Variants in MACROD2 observed in about 807,000 individuals in gnomAD.
The protein encoded by MACROD2 is ADP-ribose glycohydrolase MACROD2.
In MACROD2, 36 loss-of-function variants were observed where a neutral mutation model predicts 70.4. The ratio of observed to expected loss-of-function variants is 0.51; its 90% CI spans 0.39 to 0.68. The LOEUF (loss-of-function observed/expected upper bound fraction) is 0.68, where lower values mean the gene tolerates loss of function less well. Ranked by LOEUF, MACROD2 falls within the 30% of genes least tolerant of loss-of-function variation. The pLI, the probability that MACROD2 is intolerant of heterozygous loss-of-function variation, is 0.00. For synonymous variants in MACROD2, 172 were observed against 178.8 expected, an observed-to-expected ratio of 0.96 and a Z score of 0.30; for missense variants, 496 against 538.4, an observed-to-expected ratio of 0.92 and a Z score of 0.78.
chr20:14,340,943 G>T (rs2083006568), intron 3 of MACROD2, among the ~76,000 whole-genome samples: 1 of 152,152 alleles, frequency 6.6e-6, no homozygotes, highest in Non-Finnish European at 1.5e-5. Flanking sequence ...CCCAGGTTCT[G>T]CCATTTACTT....
chr20:15,327,790 C>T (rs749477579), intron 6 of MACROD2, among the ~76,000 whole-genome samples: 4 of 152,066 alleles, frequency 2.6e-5, no homozygotes, highest in Non-Finnish European at 4.4e-5. Context: ...CCATCACTAT[C>T]ATGTGATGGA....
intron 3 of MACROD2, among the ~76,000 whole-genome samples, chr20:14,488,992 G>A (rs2084764667): frequency 6.6e-6 from 1 of 152,164 alleles, no homozygotes; most frequent in Non-Finnish European, 1.5e-5. Context: ...CTATTTATTA[G>A]TAGTAGGGGT....
intron 8 of MACROD2, among the ~76,000 whole-genome samples, chr20:15,627,083 C>G (rs563353346): frequency 1.7e-4 from 26 of 152,020 alleles, no homozygotes; most frequent in African/African-American, 5.5e-4. Context: ...AATAGGATTT[C>G]AGTAGGTAGA....
intron 13 of MACROD2, among the ~76,000 whole-genome samples, chr20:15,977,180 G>A (rs187337134): frequency 6.6e-6 from 1 of 152,256 alleles, no homozygotes; most frequent in East Asian, 1.9e-4. Flanking sequence ...GCAATGACCT[G>A]GTGCGATGAT....
intron 4 of MACROD2, among the ~76,000 whole-genome samples, chr20:14,681,419 TAAA>T (rs2070931065): frequency 6.6e-6 from 1 of 152,076 alleles, no homozygotes; most frequent in South Asian, 2.1e-4. Flanking sequence ...GTATTACAAA[TAAA>T]AAGGAAGAAG....
At chr20:14,568,372 CTTTA>C (rs1782736667) in intron 4 of MACROD2, among the ~76,000 whole-genome samples, 1 of 151,866 alleles carries the variant, frequency 6.6e-6, no homozygotes, top group African/African-American at 2.4e-5. Context: ...AATTTGTCGC[CTTTA>C]TTTAGAGGGA....
intron 3 of MACROD2, among the ~76,000 whole-genome samples, chr20:14,268,225 GA>G (rs1369819517): frequency 6.6e-6 from 1 of 152,024 alleles, no homozygotes; most frequent in Non-Finnish European, 1.5e-5. Context: ...TAGCTTAGCA[GA>G]ATGTCATTAT....
intron 15 of MACROD2, among the ~76,000 whole-genome samples, chr20:16,001,331 CACT>C (rs1310142057): frequency 1.3e-5 from 2 of 152,044 alleles, no homozygotes; most frequent in Admixed American, 6.5e-5. Context: ...TTGAATGTTT[CACT>C]ACATTTATTT....
chr20:16,038,932 G>T (rs1245542783), intron 15 of MACROD2, among the ~76,000 whole-genome samples: 1 of 151,896 alleles, frequency 6.6e-6, no homozygotes, highest in Non-Finnish European at 1.5e-5. Flanking sequence ...TAAAGAGATG[G>T]TCTATTTCAA....
intron 3 of MACROD2, among the ~76,000 whole-genome samples, chr20:14,111,985 A>G (rs2054457204): frequency 6.6e-6 from 1 of 152,054 alleles, no homozygotes; most frequent in African/African-American, 2.4e-5. Context: ...ATGGATAAAG[A>G]AAATATGGTA....
At chr20:16,049,319 TAAAG>T (rs1358650019) in intron 17 of MACROD2, among the ~76,000 whole-genome samples, 2 of 152,076 alleles carry the variant, frequency 1.3e-5, no homozygotes, top group African/African-American at 4.8e-5. Flanking sequence ...CTAAAAAAAA[TAAAG>T]AGTATAGGTT....
At chr20:15,787,652 G>A (rs929998234) in intron 8 of MACROD2, among the ~76,000 whole-genome samples, 8 of 152,078 alleles carry the variant, frequency 5.3e-5, no homozygotes, top group African/African-American at 1.9e-4. Context: ...TTTTTTTATG[G>A]TTGGGCAGTG....
At chr20:15,326,514 C>G (rs1246417462) in intron 6 of MACROD2, among the ~76,000 whole-genome samples, 1 of 152,082 alleles carries the variant, frequency 6.6e-6, no homozygotes, top group Non-Finnish European at 1.5e-5. Context: ...CTTCTCCTGA[C>G]AAGTCCCCAT....
intron 7 of MACROD2, among the ~76,000 whole-genome samples, chr20:15,461,006 A>ATATATTTTTTTTT: frequency 2.4e-4 from 16 of 66,988 alleles, no homozygotes; most frequent in African/African-American, 4.6e-4. Context: ...ATATATATAT[A>ATATATTTTTTTTT]TTTTTTTTTA....
At chr20:15,857,908 A>G (rs936350819) in intron 8 of MACROD2, among the ~76,000 whole-genome samples, 6 of 152,338 alleles carry the variant, frequency 3.9e-5, no homozygotes, top group African/African-American at 1.4e-4. Context: ...GTGATATCAC[A>G]GAAAAAACAA....
At chr20:14,267,644 C>G (rs1468619786) in intron 3 of MACROD2, among the ~76,000 whole-genome samples, 3 of 152,060 alleles carry the variant, frequency 2.0e-5, no homozygotes, top group African/African-American at 7.2e-5. Flanking sequence ...TAAAGTTGCT[C>G]TAGTTAGGTC....
At chr20:16,014,340 T>C (rs2066902130) in intron 15 of MACROD2, among the ~76,000 whole-genome samples, 1 of 152,230 alleles carries the variant, frequency 6.6e-6, no homozygotes, top group East Asian at 1.9e-4. Context: ...TATGAGGATT[T>C]GAAGCTGCAG....
intron 6 of MACROD2, among the ~76,000 whole-genome samples, chr20:15,320,206 A>C (rs540688537): frequency 2.2e-3 from 330 of 152,326 alleles, no homozygotes; most frequent in Non-Finnish European, 3.4e-3. Flanking sequence ...CCATCTCAAA[A>C]AAAACAAAAC....
At chr20:14,440,481 G>A (rs2084109003) in intron 3 of MACROD2, among the ~76,000 whole-genome samples, 1 of 152,098 alleles carries the variant, frequency 6.6e-6, no homozygotes, top group Admixed American at 6.6e-5. Flanking sequence ...GAAGAACATT[G>A]CCTGGCTAAT....
Sources: gnomAD v4.1 joint callset for allele counts (sites outside exome capture counted in the v4.1 genomes callset) on GRCh38, gnomAD v4.1.1 for gene constraint, MANE v1.5 for transcripts, NCBI Gene and HGNC (gene_info 2026-07-23, HGNC 2026-07-21) for gene names.